The following SMIM14 variants were observed in gnomAD, a reference collection of about 807,000 sequenced individuals.
The protein encoded by SMIM14 is chromosome 4 open reading frame 34.
SMIM14 carries 5 observed loss-of-function variants against 12.6 expected under a neutral mutation model. That is an observed-to-expected ratio of 0.40 (90% CI 0.21 to 0.83). SMIM14 has a LOEUF of 0.83. Ranked by LOEUF, SMIM14 falls within the 40% of genes least tolerant of loss-of-function variation. The pLI, the probability that SMIM14 is intolerant of heterozygous loss-of-function variation, is 0.37. For missense variants in SMIM14, 86 were observed against 119.1 expected (o/e 0.72, Z 1.29); for synonymous variants, 30 against 40.1 (o/e 0.75, Z 0.95).
chr4:39,592,579 A>C (rs893289651), intron 2 of SMIM14: 2 of 152,168 alleles, frequency 1.3e-5, no homozygotes, highest in Non-Finnish European at 2.9e-5. Context: ...GGTAATGAGA[A>C]GTTTTATTAA....
intron 1 of SMIM14, among the ~76,000 whole-genome samples, chr4:39,629,672 G>T (rs555115280): frequency 6.6e-6 from 1 of 152,218 alleles, no homozygotes; most frequent in Admixed American, 6.5e-5. Context: ...TGCCCAGGCT[G>T]GAGTGCAGTG....
rs562358762 is a variant in SMIM14 at position 39,575,962 on chromosome 4, C to T, written c.76-3499G>A. 8.7e-5 allele frequency among the ~76,000 whole-genome samples: 13 copies of T among 149,122 alleles called. No homozygotes were observed. In the South Asian group the frequency reaches 2.7e-3, roughly 31 times the overall value. ...AGGTTGGAGTGCAGTGGCATGATCT[C>T]AGCTCACTGCAACCTCCACCTCCCA... On this transcript the variant is annotated intron_variant, in intron 2 of 4. Transcript: ENST00000295958.
At chr4:39,583,577 T>C (rs1190034574) in intron 2 of SMIM14, among the ~76,000 whole-genome samples, 1 of 152,066 alleles carries the variant, frequency 6.6e-6, no homozygotes, top group Admixed American at 6.6e-5. Flanking sequence ...AAACATGACC[T>C]TCTTTCTAAT....
chr4:39,636,610 G>A (rs1255246958), intron 1 of SMIM14, among the ~76,000 whole-genome samples: 1 of 152,104 alleles, frequency 6.6e-6, no homozygotes, highest in Non-Finnish European at 1.5e-5. Context: ...GGAGGCTGAG[G>A]CCAGAAGATC....
intron 1 of SMIM14, among the ~76,000 whole-genome samples, chr4:39,619,925 G>C (rs192674101): frequency 7.0e-6 from 1 of 143,720 alleles, no homozygotes; most frequent in Non-Finnish European, 1.5e-5. Flanking sequence ...TGTGGCCCAC[G>C]CTAGAGTGCA....
At chr4:39,584,493 A>AAAAAAAAAAAAAG (rs1713679263) in intron 2 of SMIM14, among the ~76,000 whole-genome samples, 1 of 140,152 alleles carries the variant, frequency 7.1e-6, no homozygotes, top group Non-Finnish European at 1.6e-5. Context: ...AAAAAAAAAA[A>AAAAAAAAAAAAAG]AAAAAAAAAA....
At chr4:39,606,240 G>A (rs1714799673) in intron 1 of SMIM14, among the ~76,000 whole-genome samples, 1 of 151,910 alleles carries the variant, frequency 6.6e-6, no homozygotes, top group Non-Finnish European at 1.5e-5. Flanking sequence ...CAGCTACTCA[G>A]AAGGCTGAGG....
chr4:39,594,703 AC>A (rs1257356968), intron 2 of SMIM14: 1 of 148,780 alleles, frequency 6.7e-6, no homozygotes, highest in Non-Finnish European at 1.5e-5. Context: ...AAACAAATTT[AC>A]AAGAAAAAAA....
At chr4:39,599,034 C>T (rs1184230376) in intron 2 of SMIM14, among the ~76,000 whole-genome samples, 1 of 152,190 alleles carries the variant, frequency 6.6e-6, no homozygotes, top group Non-Finnish European at 1.5e-5. Flanking sequence ...TGAAAAATAG[C>T]TCATCCTCTA....
chr4:39,621,446 T>G (rs1229689858), intron 1 of SMIM14, among the ~76,000 whole-genome samples: 1 of 152,178 alleles, frequency 6.6e-6, no homozygotes, highest in Non-Finnish European at 1.5e-5. Flanking sequence ...CATTTGAAAT[T>G]ACAAACTATG....
At chr4:39,553,153 C>T (rs968521114) in intron 4 of SMIM14, among the ~76,000 whole-genome samples, 11 of 149,856 alleles carry the variant, frequency 7.3e-5, no homozygotes, top group African/African-American at 2.0e-4. Flanking sequence ...CTCCGCCTCC[C>T]GGGTTCAAGT....
intron 2 of SMIM14, among the ~76,000 whole-genome samples, chr4:39,581,332 TAC>T (rs1225428063): frequency 6.6e-6 from 1 of 152,150 alleles, no homozygotes; most frequent in Non-Finnish European, 1.5e-5. Flanking sequence ...AATGGAGTTT[TAC>T]ACAGTTTGTC....
intron 2 of SMIM14, among the ~76,000 whole-genome samples, chr4:39,576,118 C>T (rs1246848595): frequency 6.6e-6 from 1 of 151,644 alleles, no homozygotes; most frequent in African/African-American, 2.4e-5. Flanking sequence ...TGGTCTCTAA[C>T]TCCTGATCTC....
intron 1 of SMIM14, among the ~76,000 whole-genome samples, chr4:39,612,451 C>T (rs1011305010): frequency 3.3e-5 from 5 of 152,080 alleles, no homozygotes; most frequent in African/African-American, 1.2e-4. Context: ...GATACTGGTC[C>T]ATCCTTCCTT....
intron 2 of SMIM14, among the ~76,000 whole-genome samples, chr4:39,601,357 A>C (rs1469655887): frequency 2.0e-5 from 3 of 152,164 alleles, no homozygotes; most frequent in African/African-American, 7.2e-5. Context: ...CAACAAAAAA[A>C]CCCAAAAATT....
At chr4:39,555,335 C>G (rs915799153) in intron 4 of SMIM14, among the ~76,000 whole-genome samples, 1 of 151,856 alleles carries the variant, frequency 6.6e-6, no homozygotes, top group Non-Finnish European at 1.5e-5. Context: ...TGAGCTCAAA[C>G]GATTCTCATG....
Position 39,603,023 on chromosome 4 carries a change from A to C in SMIM14, c.75+2048T>G, listed in dbSNP as rs183379271. ...GAAACCCAAAATGCTTCAAAATCTG[A>C]AATTTTTTGAGCACCAACATGATGA... is the stretch of plus-strand genomic sequence containing the variant. On this transcript the variant is annotated intron_variant, in intron 2 of 4. Coordinates refer to ENST00000295958, the MANE Select transcript of SMIM14 (RefSeq NM_174921.3). Among the ~76,000 whole-genome samples, 499 of 152,320 alleles carry C rather than the reference A, an allele frequency of 3.3e-3. 3 individuals are homozygous for C. The highest frequency in any genetic ancestry group is 6.6e-3 in the Admixed American group (101 of 15,290).
chr4:39,566,287 T>C (rs1018847159), intron 3 of SMIM14, among the ~76,000 whole-genome samples: 2 of 151,670 alleles, frequency 1.3e-5, no homozygotes, highest in African/African-American at 2.4e-5. Context: ...TTAACTGTTA[T>C]AGGAAGGATC....
intron 2 of SMIM14, chr4:39,594,386 T>G (rs530315532): frequency 6.6e-6 from 1 of 152,232 alleles, no homozygotes; most frequent in Admixed American, 6.5e-5. Flanking sequence ...TCCTTACACC[T>G]TACACAAAAA....
Sources: gnomAD v4.1 joint callset for allele counts (sites outside exome capture counted in the v4.1 genomes callset) on GRCh38, gnomAD v4.1.1 for gene constraint, MANE v1.5 for transcripts, NCBI Gene and HGNC (gene_info 2026-07-23, HGNC 2026-07-21) for gene names.